Variants in NKPD1 observed in about 807,000 individuals in gnomAD.
NKPD1 encodes NTPase KAP family P-loop domain containing 1.
A neutral mutation model predicts 42.2 loss-of-function variants in NKPD1; 37 were observed. That is an observed-to-expected ratio of 0.88 (90% CI 0.67 to 1.15). The LOEUF (loss-of-function observed/expected upper bound fraction) is 1.15, where lower values mean the gene tolerates loss of function less well. Among genes scored for constraint, NKPD1 ranks in the 50% most tolerant of loss-of-function variants. The pLI is 0.00. For missense variants in NKPD1, 1,113 were observed against 1,174.6 expected (o/e 0.95, Z 0.77); for synonymous variants, 552 against 536.5 (o/e 1.03, Z -0.40).
chr19:45,155,122 C>T (rs548731664), intron 4 of NKPD1, among the ~76,000 whole-genome samples: 21 of 150,434 alleles, frequency 1.4e-4, no homozygotes, highest in Non-Finnish European at 2.9e-4. Flanking sequence ...GAGATCGAGA[C>T]CATCTGGCCA....
rs965784427 is a variant in NKPD1, at chr19:45,158,198, A to G, written c.529+465T>C. On this transcript the variant is annotated intron_variant, in intron 3 of 4. Coordinates refer to ENST00000686631, the MANE Select transcript of NKPD1 (RefSeq NM_198478.4). This position sits in a 1 kb window ranked among gnomAD's most constrained non-coding sequence, Gnocchi z 4.6. ...TAGTCATGGAGTGAATGAGGGAGGG[A>G]GAGAGCAAGCAAGTGGGTCTTCCCA... 1.3e-5 allele frequency among the ~76,000 whole-genome samples: 2 copies of G among 152,166 alleles called. No homozygotes were observed. The highest frequency in any genetic ancestry group is 4.8e-5 in the African/African-American group (2 of 41,428).
In NKPD1 at chr19:45,150,276, GA is replaced by G. The variant is rs1394708918; in HGVS notation, c.*1661del. On this transcript the variant is annotated 3_prime_UTR_variant, in exon 5 of 5. Transcript: ENST00000686631. ...AGCTAATCTTTTTGTATTTTTATTA[GA>G]GACAGGGCTTCACCATGTTGGCCAG... 6.6e-6 allele frequency: 1 copy of G among 152,098 alleles called. No homozygotes were observed. Among genetic ancestry groups the G allele is most frequent in the Non-Finnish European group, 1.5e-5 (1 of 68,052 alleles). The allele number at this position is 152,098 out of a possible 1,614,324, so 9.4% of individuals were successfully genotyped here.
At position 45,158,228 on chromosome 19, in the gene NKPD1, T is replaced by C. The variant is rs577915778; in HGVS notation, c.529+435A>G. Among the ~76,000 whole-genome samples, 8 of 152,326 alleles carry C rather than the reference T, an allele frequency of 5.3e-5. No homozygotes were observed. Among genetic ancestry groups the C allele is most frequent in the South Asian group, 2.1e-4 (1 of 4,826 alleles). The stretch of plus-strand genomic sequence containing the variant: ...GCAAGCAAGTGGGTCTTCCCATTGC[T>C]GACCTTTGCTCTCCGTTCCCCAGGC... On this transcript the variant is annotated intron_variant, in intron 3 of 4. Transcript: ENST00000686631. The surrounding 1 kb of genome is among the most constrained non-coding windows in gnomAD (Gnocchi z 4.6).
rs772480740 is a variant in NKPD1 at position 45,152,269 on chromosome 19, C to T, written c.2168G>A (p.Arg723His). ...GAAGGGGAAGTCGGCGCCCAGGAAG[C>T]GCTCGAAGAGCTCGGGGTCGCCGTC... ...DLDGDPELFE[R>H]FLGADFPFTV... Residue 723 changes from arginine (R) to histidine (H), a missense_variant, in exon 5 of 5, where the codon CGC (arginine) becomes CAC (histidine). Around this residue, in one of 3 missense-constraint regions of NKPD1, gnomAD observed 867 missense variants for 870.1 expected, o/e 1.00. Transcript: ENST00000686631. The T allele has an allele frequency of 3.1e-6, 5 of 1,609,710 alleles. No individual in the cohort carries two copies. The highest frequency in any genetic ancestry group is 1.3e-5 in the African/African-American group (1 of 74,884).
At chr19:45,156,995 G>A (rs1388442838) in intron 3 of NKPD1, among the ~76,000 whole-genome samples, 3 of 152,130 alleles carry the variant, frequency 2.0e-5, no homozygotes, top group Admixed American at 6.5e-5. Flanking sequence ...AATAGACATC[G>A]TAGCCCTGAG....
At chr19:45,153,922 A>G in intron 4 of NKPD1, 147 bp from the exon 5 acceptor site, 4 of 764,868 alleles carry the variant, frequency 5.2e-6, no homozygotes, top group Non-Finnish European at 7.5e-6. Context: ...CCGCTCCTTA[A>G]AGAGCTGGAA....
Position 45,152,874 on chromosome 19 carries a change from G to C in NKPD1, c.1563C>G (p.Arg521=), listed in dbSNP as rs760245226. ...TADNGYLFLN[R]TVTLPFSVPI... The stretch of plus-strand genomic sequence containing the variant: ...GCACAGAGAAGGGCAGCGTGACAGT[G>C]CGGTTGAGGAAGAGGTAGCCGTTAT... The change falls in exon 5 of 5, where the codon CGC becomes CGG. Residue 521 remains arginine, a synonymous_variant. Coordinates refer to ENST00000686631, the MANE Select transcript of NKPD1 (RefSeq NM_198478.4). 1.3e-6 allele frequency: 2 copies of C among 1,588,164 alleles called. No homozygotes were observed. Among genetic ancestry groups the C allele is most frequent in the Non-Finnish European group, 1.7e-6 (2 of 1,164,386 alleles).
At position 45,153,636 on chromosome 19, in the gene NKPD1, C is replaced by T. The variant is rs1261658427; in HGVS notation, c.801G>A (p.Val267=). 4 of 1,583,776 alleles carry T rather than the reference C, an allele frequency of 2.5e-6. No individual in the cohort carries two copies. The highest frequency in any genetic ancestry group is 3.4e-6 in the Non-Finnish European group (4 of 1,164,478). ...LVFLQPIITE[V]HLRRRNVQFL... ...ACTGCACGTTCCTGCGCCGCAGGTG[C>T]ACCTCGGTGATGATGGGCTGCAGGA... The change falls in exon 5 of 5, where the codon GTG becomes GTA. Residue 267 remains valine, a synonymous_variant. Transcript: ENST00000686631.
In NKPD1 at chr19:45,158,882, G is replaced by C. The variant is rs1411689273; in HGVS notation, c.310C>G (p.His104Asp). The C allele has an allele frequency of 1.6e-6, 2 of 1,285,608 alleles. No homozygotes were observed. The allele number at this position is 1,285,608 out of a possible 1,614,324, so 79.6% of individuals were successfully genotyped here. A position where few individuals can be genotyped will look rare whatever the true frequency, so the allele number is the denominator to read the frequency against. ...GCAGGCAGCCCCTTCTGGGCTTCGT[G>C]AATGGGGCAGAGCCGCTGCCGCAGG... is the stretch of plus-strand genomic sequence containing the variant. Reference protein sequence around the residue: ...SPLRQRLCPIHEAQKGLPATS... With the variant: ...SPLRQRLCPIDEAQKGLPATS... The change falls in exon 3 of 5, where the codon CAC becomes GAC. Residue 104 changes from histidine to aspartate, a missense_variant. By Grantham distance (81) the His-to-Asp change is moderately conservative. Around this residue, in one of 3 missense-constraint regions of NKPD1, gnomAD observed 204 missense variants for 227.8 expected, o/e 0.90. Coordinates refer to ENST00000686631, the MANE Select transcript of NKPD1 (RefSeq NM_198478.4). This position sits in a 1 kb window ranked among gnomAD's most constrained non-coding sequence, Gnocchi z 4.6.
At chr19:45,157,162 C>A (rs2122792775) in intron 3 of NKPD1, among the ~76,000 whole-genome samples, 1 of 152,344 alleles carries the variant, frequency 6.6e-6, no homozygotes, top group East Asian at 1.9e-4. Flanking sequence ...CCCTCGGCCA[C>A]CTGCTTCCGT....
rs1968952698 is a variant in NKPD1, at chr19:45,158,834, G to T, written c.358C>A (p.Pro120Thr). The T allele has an allele frequency of 1.6e-6, 2 of 1,279,972 alleles. No homozygotes were observed. Among genetic ancestry groups the T allele is most frequent in the African/African-American group, 1.5e-5 (1 of 64,790 alleles). The allele number at this position is 1,279,972 out of a possible 1,614,324, so 79.3% of individuals were successfully genotyped here. ...LPATSTVPKE[P>T]ASAPQAPTLP... ...GTGGGCGCCTGAGGGGCGCTGGCAG[G>T]TTCCTTGGGGACAGTGGAGGTTGCA... The change falls in exon 3 of 5, where the codon CCT becomes ACT. Residue 120 changes from proline to threonine, a missense_variant. Transcript: ENST00000686631. This position sits in a 1 kb window ranked among gnomAD's most constrained non-coding sequence, Gnocchi z 4.6.
In NKPD1 at chr19:45,158,379, C is replaced by A. The variant is rs1365588615; in HGVS notation, c.529+284G>T. Among the ~76,000 whole-genome samples, 1 of 152,226 alleles carries A rather than the reference C, an allele frequency of 6.6e-6. No homozygotes were observed. Among genetic ancestry groups the A allele is most frequent in the Admixed American group, 6.5e-5 (1 of 15,288 alleles). ...GAGCTGAGAAGAGACCAGAGCAGAG[C>A]CAGGGTGTCGGCAGAGGGAAAGGGG... On this transcript the variant is annotated intron_variant, in intron 3 of 4. Coordinates refer to ENST00000686631, the MANE Select transcript of NKPD1 (RefSeq NM_198478.4). The surrounding 1 kb of genome is among the most constrained non-coding windows in gnomAD (Gnocchi z 4.6).
chr19:45,161,077 C>A (rs534833375), upstream of NKPD1, among the ~76,000 whole-genome samples: 1 of 152,346 alleles, frequency 6.6e-6, no homozygotes, highest in South Asian at 2.1e-4. Context: ...CCAGCGCCTG[C>A]CTGTCCCAGT....
At chr19:45,162,504 G>C (rs1969027377), upstream of NKPD1, among the ~76,000 whole-genome samples, 2 of 152,174 alleles carry the variant, frequency 1.3e-5, no homozygotes, top group African/African-American at 4.8e-5. Flanking sequence ...GATGCGAGCG[G>C]GGTGGGAGGG....
Position 45,155,871 on chromosome 19 carries a change from G to A in NKPD1, c.575C>T (p.Thr192Ile). The change falls in exon 4 of 5, where the codon ACA becomes ATA. Residue 192 changes from threonine to isoleucine, a missense_variant. This residue lies in a region of NKPD1 where 42 missense variants were observed against 76.7 expected (regional missense o/e 0.55). Transcript: ENST00000686631. ...DDVYCSCLAK[T>I]LCHVPVPVTV... Reference sequence around the variant, plus strand: ...CACAGGGACCGGCACGTGGCAGAGTGTCTTGGCCAGGCAGCTGCAGTAGAC... The same window carrying A: ...CACAGGGACCGGCACGTGGCAGAGTATCTTGGCCAGGCAGCTGCAGTAGAC... 1 of 1,305,388 alleles carries A rather than the reference G, an allele frequency of 7.7e-7. No homozygotes were observed. The highest frequency in any genetic ancestry group is 1.0e-6 in the Non-Finnish European group (1 of 988,910). 80.9% of individuals were successfully genotyped at this position (1,305,388 alleles called of 1,614,324 possible). A position where few individuals can be genotyped will look rare whatever the true frequency, so the allele number is the denominator to read the frequency against.
chr19:45,162,133 G>A (rs558890885), upstream of NKPD1, among the ~76,000 whole-genome samples: 1 of 152,102 alleles, frequency 6.6e-6, no homozygotes, highest in Admixed American at 6.5e-5. Flanking sequence ...ATCATGAAGC[G>A]TGGCCCAATG....
chr19:45,150,289 A>G lies in NKPD1; in HGVS notation c.*1649T>C, dbSNP rs1399364171. The stretch of plus-strand genomic sequence containing the variant: ...GTATTTTTATTAGAGACAGGGCTTC[A>G]CCATGTTGGCCAGGCTGATGCAGCT... On this transcript the variant is annotated 3_prime_UTR_variant, in exon 5 of 5. Coordinates refer to ENST00000686631, the MANE Select transcript of NKPD1 (RefSeq NM_198478.4). The G allele has an allele frequency of 6.6e-6, 1 of 152,090 alleles. No homozygotes were observed. The highest frequency in any genetic ancestry group is 1.5e-5 in the Non-Finnish European group (1 of 68,022). 9.4% of individuals were successfully genotyped at this position (152,090 alleles called of 1,614,324 possible).
Position 45,158,713 on chromosome 19 carries a change from C to G in NKPD1, c.479G>C (p.Arg160Pro). Residue 160 changes from arginine (R) to proline (P), a missense_variant, in exon 3 of 5, where the codon CGG becomes CCG. Arg to Pro is a moderately radical substitution (Grantham distance 103, BLOSUM62 -2). This residue lies in a region of NKPD1 where 204 missense variants were observed against 227.8 expected (regional missense o/e 0.90). Coordinates refer to ENST00000686631, the MANE Select transcript of NKPD1 (RefSeq NM_198478.4). This position sits in a 1 kb window ranked among gnomAD's most constrained non-coding sequence, Gnocchi z 4.6. Reference protein sequence around the residue: ...LLKPSEPTDARPLPAPAACGS... With the variant: ...LLKPSEPTDAPPLPAPAACGS... ...ACAGGCCGCTGGGGCGGGCAGGGGC[C>G]GGGCATCAGTGGGCTCGCTGGGCTT... 1.7e-6 allele frequency: 2 copies of G among 1,198,296 alleles called. No homozygotes were observed. Among genetic ancestry groups the G allele is most frequent in the South Asian group, 3.1e-5 (2 of 65,254 alleles). 74.2% of individuals were successfully genotyped at this position (1,198,296 alleles called of 1,614,324 possible).
At chr19:45,155,009 A>T (rs1335963453) in intron 4 of NKPD1, among the ~76,000 whole-genome samples, 1 of 123,238 alleles carries the variant, frequency 8.1e-6, no homozygotes, top group Non-Finnish European at 1.6e-5. Flanking sequence ...TGGGCGACAG[A>T]GTGAGACTCC....
Sources: allele counts gnomAD v4.1 joint callset (sites outside exome capture counted in the v4.1 genomes callset), GRCh38; gene constraint gnomAD v4.1.1; regional missense constraint gnomAD v4.1.1; non-coding constraint Gnocchi (gnomAD v3.1); transcripts MANE v1.5; gene names NCBI Gene and HGNC (gene_info 2026-07-23, HGNC 2026-07-21).